Variants in SPCS3 observed in about 807,000 individuals in gnomAD.
SPCS3 encodes the protein signal peptidase complex subunit 3.
In SPCS3, 9 loss-of-function variants were observed where a neutral mutation model predicts 17.2. That is an observed-to-expected ratio of 0.52 (90% CI 0.31 to 0.91). The LOEUF (loss-of-function observed/expected upper bound fraction) is 0.91. Ranked by LOEUF, SPCS3 falls within the 40% of genes least tolerant of loss-of-function variation. SPCS3 has a pLI of 0.04. For synonymous variants in SPCS3, 87 were observed against 89.6 expected (o/e 0.97, Z 0.16); for missense variants, 139 against 217.5 (o/e 0.64, Z 2.27).
At position 176,328,375 on chromosome 4, in the gene SPCS3, G is replaced by A. The variant is rs1443159957; in HGVS notation, c.*45G>A. On this transcript the variant is annotated 3_prime_UTR_variant, in exon 5 of 5. Coordinates refer to ENST00000503362, the MANE Select transcript of SPCS3 (RefSeq NM_021928.4). ...AACATATTTTTATACTTAATGAATT[G>A]TATCTCATTAATCTCTTCCCTTACA... 2 of 1,351,998 alleles carry A rather than the reference G, an allele frequency of 1.5e-6. No homozygotes were observed. The highest frequency in any genetic ancestry group is 2.0e-6 in the Non-Finnish European group (2 of 1,018,436). 83.8% of individuals were successfully genotyped at this position (1,351,998 alleles called of 1,614,324 possible).
At chr4:176,320,398 C>A in intron 1 of SPCS3, 179 bp downstream of exon 1, 1 of 393,128 alleles carries the variant, frequency 2.5e-6, no homozygotes, top group Non-Finnish European at 4.1e-6. Flanking sequence ...CAGGCTTTTC[C>A]GGCGTCCCCT....
rs917736063 is a variant in SPCS3, at chr4:176,331,192, G to A, written c.*2862G>A. ...TTTTCTCTAAGATGATAATCTTAAA[G>A]CCCAGCTATTAATTGATAATGAACA... is the stretch of plus-strand genomic sequence containing the variant. On this transcript the variant is annotated 3_prime_UTR_variant, in exon 5 of 5. Transcript: ENST00000503362. 1.3e-5 allele frequency: 2 copies of A among 151,992 alleles called. No individual in the cohort carries two copies. The highest frequency in any genetic ancestry group is 4.8e-5 in the African/African-American group (2 of 41,370). 9.4% of individuals were successfully genotyped at this position (151,992 alleles called of 1,614,324 possible). A position where few individuals can be genotyped will look rare whatever the true frequency, so the allele number is the denominator to read the frequency against.
intron 2 of SPCS3, among the ~76,000 whole-genome samples, chr4:176,322,647 T>G (rs1731553775): frequency 7.5e-6 from 1 of 132,662 alleles, no homozygotes; most frequent in Non-Finnish European, 1.7e-5. Flanking sequence ...GAGAGAAACA[T>G]ATGTTTAAAA....
chr4:176,331,787 C>G lies in SPCS3; in HGVS notation c.*3457C>G, dbSNP rs894880279. On this transcript the variant is annotated 3_prime_UTR_variant, in exon 5 of 5. Coordinates refer to ENST00000503362, the MANE Select transcript of SPCS3 (RefSeq NM_021928.4). Reference sequence around the variant, plus strand: ...TATTTTCAGTAGAGACGGGGTTTTGCTATGTTGGCCAGGCTGGTCTCAAAC... The same window carrying G: ...TATTTTCAGTAGAGACGGGGTTTTGGTATGTTGGCCAGGCTGGTCTCAAAC... The G allele has an allele frequency of 6.6e-6, 1 of 152,124 alleles. No homozygotes were observed. Among genetic ancestry groups the G allele is most frequent in the African/African-American group, 2.4e-5 (1 of 41,412 alleles). The allele number at this position is 152,124 out of a possible 1,614,324, so 9.4% of individuals were successfully genotyped here.
rs535297375 is a variant in SPCS3, at chr4:176,320,010, C to T, written c.-67C>T. On this transcript the variant is annotated 5_prime_UTR_variant, in exon 1 of 5. Coordinates refer to ENST00000503362, the MANE Select transcript of SPCS3 (RefSeq NM_021928.4). ...CGCAGACGGCGCGGATCGCAGGGAG[C>T]CGGTCCGCCGCCGGAACGGGAGCCT... 6 of 1,423,264 alleles carry T rather than the reference C, an allele frequency of 4.2e-6. No homozygotes were observed. The highest frequency in any genetic ancestry group is 2.8e-5 in the East Asian group (1 of 35,226). The allele number at this position is 1,423,264 out of a possible 1,614,324, so 88.2% of individuals were successfully genotyped here. A position where few individuals can be genotyped will look rare whatever the true frequency, so the allele number is the denominator to read the frequency against.
In SPCS3 at chr4:176,330,568, G is replaced by C. The variant is rs1210068229; in HGVS notation, c.*2238G>C. On this transcript the variant is annotated 3_prime_UTR_variant, in exon 5 of 5. Transcript: ENST00000503362. ...TCTGTTTGCTTGACTAAGGGAAATT[G>C]CTCAGAAAAAGAATGCTCCAACATG... 2.6e-5 allele frequency: 4 copies of C among 152,168 alleles called. No individual in the cohort carries two copies. Among genetic ancestry groups the C allele is most frequent in the Non-Finnish European group, 4.4e-5 (3 of 68,010 alleles). 9.4% of individuals were successfully genotyped at this position (152,168 alleles called of 1,614,324 possible).
chr4:176,325,412 T>C (rs958179853), intron 3 of SPCS3, among the ~76,000 whole-genome samples: 2 of 152,150 alleles, frequency 1.3e-5, no homozygotes, highest in African/African-American at 2.4e-5. Flanking sequence ...GAGAGCTGCA[T>C]GGTGACCTAC....
At chr4:176,325,633 A>G (rs953241436) in intron 3 of SPCS3, among the ~76,000 whole-genome samples, 1 of 151,984 alleles carries the variant, frequency 6.6e-6, no homozygotes, top group Non-Finnish European at 1.5e-5. Context: ...AGCTACAATT[A>G]ATTAATATCC....
At position 176,329,296 on chromosome 4, in the gene SPCS3, C is replaced by G. The variant is rs948244853; in HGVS notation, c.*966C>G. ...GAGGTAAGTAGTATAAGTGTTAGCTCTTTGCAGATAAGAAACTGAAACCCA... is the reference window on the plus strand; with the variant it reads ...GAGGTAAGTAGTATAAGTGTTAGCTGTTTGCAGATAAGAAACTGAAACCCA... On this transcript the variant is annotated 3_prime_UTR_variant, in exon 5 of 5. Transcript: ENST00000503362. 1 of 152,080 alleles carries G rather than the reference C, an allele frequency of 6.6e-6. No homozygotes were observed. 9.4% of individuals were successfully genotyped at this position (152,080 alleles called of 1,614,324 possible). A position where few individuals can be genotyped will look rare whatever the true frequency, so the allele number is the denominator to read the frequency against.
intron 3 of SPCS3, 76 bp from the exon 4 acceptor site, chr4:176,327,086 T>A (rs1731617234): frequency 2.4e-6 from 2 of 837,080 alleles, no homozygotes; most frequent in Admixed American, 6.9e-5. Flanking sequence ...AACTATTTGC[T>A]TACTAATACT....
chr4:176,321,309 T>C (rs1731535348), intron 1 of SPCS3: 1 of 152,188 alleles, frequency 6.6e-6, no homozygotes, highest in Admixed American at 6.5e-5. Context: ...ATGTTAGCTG[T>C]TGTTGTCTTG....
Position 176,328,243 on chromosome 4 carries a change from A to C in SPCS3, c.456A>C (p.Pro152=), listed in dbSNP as rs1273369444. 2 of 1,613,460 alleles carry C rather than the reference A, an allele frequency of 1.2e-6. No individual in the cohort carries two copies. Among genetic ancestry groups the C allele is most frequent in the South Asian group, 2.2e-5 (2 of 90,962 alleles). The part of the protein sequence containing the change: ...VTLTLSWNVV[P]NAGILPLVTG... The stretch of plus-strand genomic sequence containing the variant: ...TGACCCTGTCTTGGAACGTCGTACC[A>C]AATGCTGGAATTCTACCTCTTGTGA... Residue 152 remains proline (P), a synonymous_variant, in exon 5 of 5, where the codon CCA becomes CCC. Coordinates refer to ENST00000503362, the MANE Select transcript of SPCS3 (RefSeq NM_021928.4).
intron 2 of SPCS3, among the ~76,000 whole-genome samples, chr4:176,323,521 A>T (rs1731564867): frequency 6.6e-6 from 1 of 152,176 alleles, no homozygotes; most frequent in African/African-American, 2.4e-5. Context: ...ATATAGTAAA[A>T]TGAGTTAACT....
chr4:176,324,461 G>A (rs1471757712), intron 3 of SPCS3, among the ~76,000 whole-genome samples: 3 of 152,248 alleles, frequency 2.0e-5, no homozygotes, highest in East Asian at 1.9e-4. Flanking sequence ...TTTGTTTTCT[G>A]TTTGTTCTAT....
Position 176,328,194 on chromosome 4 carries a change from A to G in SPCS3, c.411-4A>G, listed in dbSNP as rs1399911635. 4 of 1,610,048 alleles carry G rather than the reference A, an allele frequency of 2.5e-6. No individual in the cohort carries two copies. Among genetic ancestry groups the G allele is most frequent in the East Asian group, 4.5e-5 (2 of 44,792 alleles). On this transcript the variant is annotated splice_polypyrimidine_tract_variant and splice_region_variant and intron_variant, in intron 4 of 4. Transcript: ENST00000503362. ...TGACTTGTGTTTATTATATCTTTTT[A>G]TAGGGGAAACAGGAATGTCACTTTG... is the stretch of plus-strand genomic sequence containing the variant.
chr4:176,324,155 A>C (rs1421560742), intron 2 of SPCS3, 26 bp from the exon 3 acceptor site: 3 of 1,058,196 alleles, frequency 2.8e-6, no homozygotes, highest in East Asian at 3.3e-5. Flanking sequence ...CTGCTCATAA[A>C]TTTATATTTT....
intron 3 of SPCS3, among the ~76,000 whole-genome samples, chr4:176,325,012 G>C (rs1041007876): frequency 6.6e-6 from 1 of 150,662 alleles, no homozygotes; most frequent in Non-Finnish European, 1.5e-5. Context: ...TGGGTAGCCG[G>C]TAGTATTGCC....
intron 1 of SPCS3, chr4:176,321,130 C>T (rs2126999488): frequency 1.3e-5 from 2 of 151,496 alleles, no homozygotes; most frequent in South Asian, 2.1e-4. Context: ...CGCCAAGAAG[C>T]CAGTTATCAA....
Position 176,331,688 on chromosome 4 carries a change from A to C in SPCS3, c.*3358A>C, listed in dbSNP as rs1001612335. ...ACTGCAACCTCCACCCCCCAGGTTCAAGCGATTCTCCTGCCTCAGCCTCCG... is the reference window on the plus strand; with the variant it reads ...ACTGCAACCTCCACCCCCCAGGTTCCAGCGATTCTCCTGCCTCAGCCTCCG... On this transcript the variant is annotated 3_prime_UTR_variant, in exon 5 of 5. Transcript: ENST00000503362. 1.3e-5 allele frequency: 2 copies of C among 152,276 alleles called. No homozygotes were observed. Among genetic ancestry groups the C allele is most frequent in the Admixed American group, 6.6e-5 (1 of 15,266 alleles). 9.4% of individuals were successfully genotyped at this position (152,276 alleles called of 1,614,324 possible).
Sources: allele counts gnomAD v4.1 joint callset (sites outside exome capture counted in the v4.1 genomes callset), GRCh38; gene constraint gnomAD v4.1.1; transcripts MANE v1.5; gene names NCBI Gene and HGNC (gene_info 2026-07-23, HGNC 2026-07-21).